The following UNC5D variants were observed in gnomAD, a reference collection of about 807,000 sequenced individuals.
The protein encoded by UNC5D is unc-5 netrin receptor D.
In UNC5D, 39 loss-of-function variants were observed where a neutral mutation model predicts 105.4. The ratio of observed to expected loss-of-function variants is 0.37; its 90% CI spans 0.29 to 0.48. The LOEUF is 0.48. Ranked by LOEUF, UNC5D falls within the 20% of genes least tolerant of loss-of-function variation. The pLI, the probability that UNC5D is intolerant of heterozygous loss-of-function variation, is 0.98. For synonymous variants in UNC5D, 452 were observed against 450.4 expected, an observed-to-expected ratio of 1.00 and a Z score of -0.04; for missense variants, 991 against 1,202.4, an observed-to-expected ratio of 0.82 and a Z score of 2.60.
chr8:35,258,520 G>A (rs376974309), intron 1 of UNC5D, among the ~76,000 whole-genome samples: 5 of 152,200 alleles, frequency 3.3e-5, no homozygotes, highest in African/African-American at 4.8e-5. Flanking sequence ...CTGTGTTTCC[G>A]TCTCCTCATC....
In UNC5D at chr8:35,384,229, A is replaced by C. The variant is rs1324416756; in HGVS notation, c.103+148342A>C. ...GCAAGACTCCATTTCAAAAAAAAAA[A>C]ACAAAAAAAAACTAACATTTAAAAT... On this transcript the variant is annotated intron_variant, in intron 1 of 16. Transcript: ENST00000404895. 4.0e-5 allele frequency among the ~76,000 whole-genome samples: 6 copies of C among 150,028 alleles called. No individual in the cohort carries two copies. In the South Asian group the frequency reaches 6.2e-4, roughly 16 times the overall value.
At chr8:35,631,735 A>G (rs1277780970) in intron 4 of UNC5D, among the ~76,000 whole-genome samples, 1 of 152,176 alleles carries the variant, frequency 6.6e-6, no homozygotes, top group Non-Finnish European at 1.5e-5. Flanking sequence ...CACCCATAAT[A>G]TAAGGATATT....
chr8:35,585,913 C>T (rs1231670140), intron 3 of UNC5D, among the ~76,000 whole-genome samples: 1 of 151,962 alleles, frequency 6.6e-6, no homozygotes, highest in Non-Finnish European at 1.5e-5. Context: ...GAAGATCTAA[C>T]ACAAAGACAT....
chr8:35,417,976 A>T (rs1227740769), intron 1 of UNC5D, among the ~76,000 whole-genome samples: 1 of 151,972 alleles, frequency 6.6e-6, no homozygotes, highest in Non-Finnish European at 1.5e-5. Flanking sequence ...CTAATTTTCA[A>T]CTCTGCTGAA....
chr8:35,249,209 A>G lies in UNC5D; in HGVS notation c.103+13322A>G, dbSNP rs534701282. 6.2e-5 allele frequency among the ~76,000 whole-genome samples: 9 copies of G among 145,428 alleles called. 1 individual carries two copies. Among genetic ancestry groups the G allele is most frequent in the African/African-American group, 2.3e-4 (9 of 39,510 alleles). ...CCATGTTGGCAGTAATATGTCCATGATATCCTCAAAAAGCCATAAATTTAC... is the reference window on the plus strand; with the variant it reads ...CCATGTTGGCAGTAATATGTCCATGGTATCCTCAAAAAGCCATAAATTTAC... On this transcript the variant is annotated intron_variant, in intron 1 of 16. Coordinates refer to ENST00000404895, the MANE Select transcript of UNC5D (RefSeq NM_080872.4).
Position 35,260,713 on chromosome 8 carries a change from G to A in UNC5D, c.103+24826G>A, listed in dbSNP as rs550490706. Among the ~76,000 whole-genome samples, 178 of 152,236 alleles carry A rather than the reference G, an allele frequency of 1.2e-3. 2 individuals are homozygous for A. The highest frequency in any genetic ancestry group is 4.1e-3 in the African/African-American group (169 of 41,534). ...TCCTGAGCTCAGGGAATCCACACAC[G>A]TCTGCCTCGCAAAGTGCTAGTTATG... On this transcript the variant is annotated intron_variant, in intron 1 of 16. Transcript: ENST00000404895.
At chr8:35,776,574 C>G (rs1182738626) in intron 16 of UNC5D, among the ~76,000 whole-genome samples, 3 of 152,132 alleles carry the variant, frequency 2.0e-5, no homozygotes, top group Non-Finnish European at 4.4e-5. Context: ...CAACTGCCCC[C>G]TTCTGTGTCT....
intron 16 of UNC5D, among the ~76,000 whole-genome samples, chr8:35,776,511 TAAC>T (rs1802251380): frequency 6.6e-6 from 1 of 152,212 alleles, no homozygotes. Context: ...GACTTAAGTT[TAAC>T]AACCTTTTGT....
intron 1 of UNC5D, among the ~76,000 whole-genome samples, chr8:35,264,601 G>A (rs796431502): frequency 6.6e-6 from 1 of 152,026 alleles, no homozygotes; most frequent in African/African-American, 2.4e-5. Flanking sequence ...GTGGTGGCAG[G>A]TGCCTGTAAT....
chr8:35,331,156 T>A (rs1810599335), intron 1 of UNC5D, among the ~76,000 whole-genome samples: 1 of 151,992 alleles, frequency 6.6e-6, no homozygotes, highest in African/African-American at 2.4e-5. Flanking sequence ...GAGTGAGAGA[T>A]GAGAGATTAA....
At chr8:35,666,290 G>A (rs968686132) in intron 4 of UNC5D, among the ~76,000 whole-genome samples, 14 of 151,954 alleles carry the variant, frequency 9.2e-5, no homozygotes, top group African/African-American at 3.1e-4. Flanking sequence ...ATGAAGGATC[G>A]GAGTGAGGAG....
chr8:35,570,158 G>A (rs944945600), intron 3 of UNC5D, among the ~76,000 whole-genome samples: 4 of 152,164 alleles, frequency 2.6e-5, no homozygotes, highest in Admixed American at 2.0e-4. Context: ...TAGTATTATC[G>A]GTCCTTCTAA....
intron 4 of UNC5D, among the ~76,000 whole-genome samples, chr8:35,613,221 C>T (rs921623971): frequency 8.5e-5 from 13 of 152,192 alleles, no homozygotes; most frequent in East Asian, 5.8e-4. Flanking sequence ...AGGACCACTA[C>T]GCGCCATCAT....
intron 2 of UNC5D, among the ~76,000 whole-genome samples, chr8:35,555,732 A>C (rs1816490977): frequency 6.6e-6 from 1 of 152,026 alleles, no homozygotes; most frequent in African/African-American, 2.4e-5. Flanking sequence ...AGGCTGAGGC[A>C]GGAGAATCAC....
At chr8:35,759,212 C>A in intron 13 of UNC5D, 108 bp from the exon 14 acceptor site, 1 of 1,240,944 alleles carries the variant, frequency 8.1e-7, no homozygotes, top group South Asian at 1.4e-5. Context: ...TGCTCTCTGT[C>A]CATTTGTGGA....
chr8:35,478,402 A>G (rs979089741), intron 1 of UNC5D, among the ~76,000 whole-genome samples: 2 of 152,292 alleles, frequency 1.3e-5, no homozygotes, highest in African/African-American at 4.8e-5. Flanking sequence ...CAGCTTATAG[A>G]AAAAATGACT....
chr8:35,503,863 T>C (rs1812131130), intron 1 of UNC5D, among the ~76,000 whole-genome samples: 1 of 152,154 alleles, frequency 6.6e-6, no homozygotes, highest in Non-Finnish European at 1.5e-5. Context: ...AAAAAGAACA[T>C]TAATTATAGT....
intron 1 of UNC5D, among the ~76,000 whole-genome samples, chr8:35,271,602 TG>T (rs1563267740): frequency 7.1e-6 from 1 of 141,252 alleles, no homozygotes; most frequent in East Asian, 2.1e-4. Flanking sequence ...ATATTATACA[TG>T]TATTATATAT....
chr8:35,641,306 G>A (rs1010764433), intron 4 of UNC5D, among the ~76,000 whole-genome samples: 1 of 148,772 alleles, frequency 6.7e-6, no homozygotes, highest in African/African-American at 2.5e-5. Context: ...TTCAATTTTA[G>A]GGCAGCAGGA....
Sources: allele counts gnomAD v4.1 joint callset (sites outside exome capture counted in the v4.1 genomes callset), GRCh38; gene constraint gnomAD v4.1.1; transcripts MANE v1.5; gene names NCBI Gene and HGNC (gene_info 2026-07-23, HGNC 2026-07-21).